Variants in UTRN observed in about 807,000 individuals in gnomAD.
UTRN encodes utrophin.
In UTRN, 283 loss-of-function variants were observed where a neutral mutation model predicts 463.9. That is an observed-to-expected ratio of 0.61 (90% CI 0.55 to 0.67). UTRN has a LOEUF of 0.67. Among genes scored for constraint, UTRN ranks in the 30% least tolerant of loss-of-function variants. The pLI is 0.00. For synonymous variants in UTRN, 1,442 were observed against 1,431.5 expected, an observed-to-expected ratio of 1.01 and a Z score of -0.17; for missense variants, 3,922 against 4,084.3, an observed-to-expected ratio of 0.96 and a Z score of 1.08.
chr6:144,463,430 T>C (rs1412281122), intron 23 of UTRN, among the ~76,000 whole-genome samples: 1 of 152,150 alleles, frequency 6.6e-6, no homozygotes, highest in Non-Finnish European at 1.5e-5. Context: ...TGTGAGGATG[T>C]ATAAGGAGAG....
intron 38 of UTRN, among the ~76,000 whole-genome samples, 189 bp from the exon 39 acceptor site, chr6:144,516,622 C>T (rs74777590): frequency 0.022 from 3,384 of 151,552 alleles, 97 homozygotes; most frequent in African/African-American, 0.078. Context: ...TTGCTAAACT[C>T]TCTTTGAGAC....
At chr6:144,742,614 C>T (rs1238595340) in intron 54 of UTRN, among the ~76,000 whole-genome samples, 1 of 152,086 alleles carries the variant, frequency 6.6e-6, no homozygotes, top group African/African-American at 2.4e-5. Flanking sequence ...CTAAGCCTCC[C>T]AGAGCTAGTT....
intron 51 of UTRN, among the ~76,000 whole-genome samples, chr6:144,657,296 T>C (rs1779418734): frequency 6.6e-6 from 1 of 151,658 alleles, no homozygotes. Flanking sequence ...ATAGCTAGAT[T>C]TGTCAATATC....
At chr6:144,369,596 C>G (rs541411240) in intron 2 of UTRN, among the ~76,000 whole-genome samples, 1 of 152,294 alleles carries the variant, frequency 6.6e-6, no homozygotes, top group Non-Finnish European at 1.5e-5. Flanking sequence ...AGCCTGGCAA[C>G]AGAGCGAGAC....
intron 2 of UTRN, among the ~76,000 whole-genome samples, chr6:144,296,174 T>C (rs1264835251): frequency 6.6e-6 from 1 of 152,196 alleles, no homozygotes; most frequent in Non-Finnish European, 1.5e-5. Flanking sequence ...CCGTTGCCTG[T>C]TAGGGACCAG....
At chr6:144,794,240 C>A (rs1241175369) in intron 63 of UTRN, among the ~76,000 whole-genome samples, 1 of 152,054 alleles carries the variant, frequency 6.6e-6, no homozygotes, top group Non-Finnish European at 1.5e-5. Flanking sequence ...TGCTGTTTGT[C>A]CTGCCCTTTT....
chr6:144,485,658 C>G, intron 28 of UTRN, 139 bp downstream of exon 28: 16 of 1,270,504 alleles, frequency 1.3e-5, no homozygotes, highest in Non-Finnish European at 1.7e-5. Context: ...CATTTTCTTC[C>G]ATAGCCTGAA....
intron 28 of UTRN, among the ~76,000 whole-genome samples, chr6:144,486,725 G>A (rs1016086247): frequency 4.6e-5 from 7 of 152,090 alleles, no homozygotes; most frequent in East Asian, 1.9e-4. Flanking sequence ...TTACCATGTC[G>A]GCCAGGCTGG....
In UTRN at chr6:144,748,348, A is replaced by G; in HGVS notation, c.8042A>G (p.Asn2681Ser). ...KWESLNAVTSNWQKQVDKALE... is the reference protein window; with the variant it reads ...KWESLNAVTSSWQKQVDKALE... ...GAAAGTCTAAATGCTGTAACTAGCA[A>G]TTGGCAAAAGCAAGTGGACAAGGCA... The change falls in exon 55 of 75, where the codon AAT becomes AGT. Residue 2681 changes from asparagine (N) to serine (S), a missense_variant. By Grantham distance (46) the Asn-to-Ser change is conservative. Around this residue, in one of 3 missense-constraint regions of UTRN, gnomAD observed 1,309 missense variants for 1,452.6 expected, o/e 0.90. Transcript: ENST00000367545. The G allele has an allele frequency of 1.2e-6, 2 of 1,613,854 alleles. No homozygotes were observed. Among genetic ancestry groups the G allele is most frequent in the African/African-American group, 1.3e-5 (1 of 75,056 alleles).
chr6:144,410,258 A>T (rs1389489130), intron 3 of UTRN, among the ~76,000 whole-genome samples: 1 of 152,194 alleles, frequency 6.6e-6, no homozygotes, highest in Non-Finnish European at 1.5e-5. Flanking sequence ...GCCTCACCCT[A>T]GTCTCATGGA....
intron 52 of UTRN, among the ~76,000 whole-genome samples, chr6:144,680,457 G>T (rs567255544): frequency 6.6e-6 from 1 of 152,116 alleles, no homozygotes; most frequent in Non-Finnish European, 1.5e-5. Flanking sequence ...TTGCATTAAG[G>T]TAGATCAGAC....
chr6:144,596,668 T>A (rs1256877736), intron 51 of UTRN, among the ~76,000 whole-genome samples: 2 of 152,232 alleles, frequency 1.3e-5, no homozygotes, highest in African/African-American at 2.4e-5. Context: ...AATGTATCTC[T>A]TTAGATAAAA....
chr6:144,516,796 C>G lies in UTRN; in HGVS notation c.5404-15C>G, dbSNP rs1450609629. 2.8e-6 allele frequency: 4 copies of G among 1,407,058 alleles called. No homozygotes were observed. The Admixed American group carries it at 8.7e-5, about 31-fold the overall frequency. The allele number at this position is 1,407,058 out of a possible 1,614,324, so 87.2% of individuals were successfully genotyped here. A position where few individuals can be genotyped will look rare whatever the true frequency, so the allele number is the denominator to read the frequency against. ...TTTCTTTTGAGTCATTTTTTTTTTC[C>G]TTTTAAAAATTTAGATGGATGAGGA... On this transcript the variant is annotated splice_polypyrimidine_tract_variant and intron_variant, in intron 38 of 74. Coordinates refer to ENST00000367545, the MANE Select transcript of UTRN (RefSeq NM_007124.3).
At chr6:144,418,380 A>ATTT (rs369278118) in intron 3 of UTRN, among the ~76,000 whole-genome samples, 3 of 137,232 alleles carry the variant, frequency 2.2e-5, no homozygotes, top group Non-Finnish European at 4.7e-5. Context: ...CGCCCGGCTA[A>ATTT]TTTTTTTTTT....
intron 2 of UTRN, among the ~76,000 whole-genome samples, chr6:144,379,200 A>G (rs1402830132): frequency 6.7e-6 from 1 of 149,306 alleles, no homozygotes; most frequent in Non-Finnish European, 1.5e-5. Context: ...AATCTATATT[A>G]GTTATCTATT....
At chr6:144,386,704 C>T (rs1299741486) in intron 2 of UTRN, among the ~76,000 whole-genome samples, 1 of 152,072 alleles carries the variant, frequency 6.6e-6, no homozygotes, top group Non-Finnish European at 1.5e-5. Context: ...TCCTTTCTGA[C>T]TTGTTTTTCC....
At chr6:144,790,137 C>T (rs1469708656) in intron 62 of UTRN, among the ~76,000 whole-genome samples, 2 of 152,140 alleles carry the variant, frequency 1.3e-5, no homozygotes, top group African/African-American at 2.4e-5. Context: ...GTTTAAGGTA[C>T]CTAGAAATAG....
In UTRN at chr6:144,360,964, C is replaced by T. The variant is rs141439638; in HGVS notation, c.80-42159C>T. Among the ~76,000 whole-genome samples, 1,442 of 151,994 alleles carry T rather than the reference C, an allele frequency of 9.5e-3. 14 individuals are homozygous for T. Among genetic ancestry groups the T allele is most frequent in the Non-Finnish European group, 0.015 (1,048 of 68,018 alleles). On this transcript the variant is annotated intron_variant, in intron 2 of 74. Coordinates refer to ENST00000367545, the MANE Select transcript of UTRN (RefSeq NM_007124.3). ...AGGACCAAACTAAGATATTATTAGC[C>T]AACTTTTCTTTTGACTTTGATTGAT...
At chr6:144,497,810 T>C (rs1263856783) in intron 33 of UTRN, among the ~76,000 whole-genome samples, 2 of 152,190 alleles carry the variant, frequency 1.3e-5, no homozygotes, top group Non-Finnish European at 2.9e-5. Flanking sequence ...GTCTGGAGAA[T>C]ATATCTGGAC....
Sources: gnomAD v4.1 joint callset for allele counts (sites outside exome capture counted in the v4.1 genomes callset) on GRCh38, gnomAD v4.1.1 for gene constraint, gnomAD v4.1.1 regional missense constraint, MANE v1.5 for transcripts, NCBI Gene and HGNC (gene_info 2026-07-23, HGNC 2026-07-21) for gene names.